The following MPRIP variants were observed in gnomAD, a reference collection of about 807,000 sequenced individuals.
MPRIP encodes myosin phosphatase Rho interacting protein.
MPRIP carries 59 observed loss-of-function variants against 234.9 expected under a neutral mutation model. The ratio of observed to expected loss-of-function variants is 0.25; its 90% CI spans 0.20 to 0.31. The LOEUF is 0.31. Among genes scored for constraint, MPRIP ranks in the 10% least tolerant of loss-of-function variants. MPRIP has a pLI of 1.00. For synonymous variants in MPRIP, 1,144 were observed against 1,263.9 expected (o/e 0.91, Z 2.01); for missense variants, 2,436 against 3,071.0 (o/e 0.79, Z 4.89).
intron 3 of MPRIP, among the ~76,000 whole-genome samples, chr17:17,115,294 G>A (rs535359853): frequency 6.6e-6 from 1 of 152,356 alleles, no homozygotes; most frequent in Admixed American, 6.5e-5. Context: ...CGGGATTTTG[G>A]CCCTGACTGC....
chr17:17,180,046 C>A lies in MPRIP; in HGVS notation c.7164C>A (p.Asp2388Glu). The A allele has an allele frequency of 1.3e-6, 2 of 1,593,896 alleles. No individual in the cohort carries two copies. Among genetic ancestry groups the A allele is most frequent in the Middle Eastern group, 1.7e-4 (1 of 6,010 alleles). Residue 2388 changes from aspartate to glutamate, a missense_variant, in exon 23 of 24, where the codon GAC (aspartate) becomes GAA (glutamate). This residue lies in a region of MPRIP where 1,998 missense variants were observed against 2,520.3 expected (regional missense o/e 0.79). Coordinates refer to ENST00000651222, the MANE Select transcript of MPRIP (RefSeq NM_001364716.4). Reference sequence around the variant, plus strand: ...GCAACCCTGACTTCTTGAAGAAAGACAGATCCTGTGTCACCCGGCAACTCA... The same window carrying A: ...GCAACCCTGACTTCTTGAAGAAAGAAAGATCCTGTGTCACCCGGCAACTCA... ...SKSNPDFLKKDRSCVTRQLRN... is the reference protein window; with the variant it reads ...SKSNPDFLKKERSCVTRQLRN...
chr17:17,054,999 G>A (rs2143873727), intron 1 of MPRIP, among the ~76,000 whole-genome samples: 1 of 151,586 alleles, frequency 6.6e-6, no homozygotes, highest in East Asian at 1.9e-4. Context: ...GCAGTGTGCT[G>A]AGATCACGCC....
rs1014031190 is a variant in MPRIP at position 17,165,759 on chromosome 17, C to A, written c.4168C>A (p.Leu1390Ile). 7 of 1,304,684 alleles carry A rather than the reference C, an allele frequency of 5.4e-6. No homozygotes were observed. The highest frequency in any genetic ancestry group is 7.1e-6 in the Non-Finnish European group (7 of 988,984). 80.8% of individuals were successfully genotyped at this position (1,304,684 alleles called of 1,614,324 possible). A position where few individuals can be genotyped will look rare whatever the true frequency, so the allele number is the denominator to read the frequency against. Reference protein sequence around the residue: ...LSIIHSLETKLYVTEEKLKDV... With the variant: ...LSIIHSLETKIYVTEEKLKDV... ...CATCATCCACTCCCTGGAGACCAAG[C>A]TCTACGTCACAGAGGAAAAGCTCAA... Residue 1390 changes from leucine to isoleucine, a missense_variant, in exon 16 of 24, where the codon CTC (leucine) becomes ATC (isoleucine). Transcript: ENST00000651222.
At position 17,164,862 on chromosome 17, in the gene MPRIP, G is replaced by A. The variant is rs535647939; in HGVS notation, c.3271G>A (p.Ala1091Thr). 4.6e-6 allele frequency: 6 copies of A among 1,304,038 alleles called. No individual in the cohort carries two copies. The African/African-American group carries it at 7.6e-5, about 16-fold the overall frequency. 80.8% of individuals were successfully genotyped at this position (1,304,038 alleles called of 1,614,324 possible). A position where few individuals can be genotyped will look rare whatever the true frequency, so the allele number is the denominator to read the frequency against. Residue 1091 changes from alanine to threonine, a missense_variant, in exon 16 of 24, where the codon GCC becomes ACC. By Grantham distance (58) the Ala-to-Thr change is moderately conservative. Coordinates refer to ENST00000651222, the MANE Select transcript of MPRIP (RefSeq NM_001364716.4). ...GGAGGAGCAGCTGGAGGCACGAGAGGCCAGCGTGCGCAGGCTCGCAGAGCA... is the reference window on the plus strand; with the variant it reads ...GGAGGAGCAGCTGGAGGCACGAGAGACCAGCGTGCGCAGGCTCGCAGAGCA... ...QLEEQLEARE[A>T]SVRRLAEHVQ...
In MPRIP at chr17:17,167,198, C is replaced by G. The variant is rs906285353; in HGVS notation, c.5607C>G (p.Ser1869=). The G allele has an allele frequency of 7.7e-7, 1 of 1,304,106 alleles. No individual in the cohort carries two copies. The highest frequency in any genetic ancestry group is 1.0e-6 in the Non-Finnish European group (1 of 988,938). 80.8% of individuals were successfully genotyped at this position (1,304,106 alleles called of 1,614,324 possible). The change falls in exon 16 of 24, where the codon TCC becomes TCG. Residue 1869 remains serine, a synonymous_variant. Transcript: ENST00000651222. The surrounding 1 kb of genome is among the most constrained non-coding windows in gnomAD (Gnocchi z 5.9). ...YEKELQLCKE[S]WQTREPSCSE... The stretch of plus-strand genomic sequence containing the variant: ...AGGAGCTCCAGCTCTGCAAGGAGTC[C>G]TGGCAAACCCGGGAGCCCTCCTGCT...
intron 22 of MPRIP, 139 bp from the exon 23 acceptor site, chr17:17,179,864 T>C: frequency 1.5e-6 from 1 of 674,424 alleles, no homozygotes. Context: ...TGGCTTTGAA[T>C]TCCCTTAGAG....
intron 3 of MPRIP, among the ~76,000 whole-genome samples, chr17:17,081,337 A>T (rs947601116): frequency 1.3e-5 from 2 of 152,284 alleles, no homozygotes. Context: ...TGTTCTGTAA[A>T]TATGTGTGGA....
At chr17:17,160,054 G>C (rs2045827989) in intron 14 of MPRIP, among the ~76,000 whole-genome samples, 1 of 152,202 alleles carries the variant, frequency 6.6e-6, no homozygotes, top group Admixed American at 6.5e-5. Context: ...ACAATCTGGG[G>C]GGTCAGTCTT....
At chr17:17,164,023 TCTGTGGTTGTTC>T in intron 15 of MPRIP, 74 bp from the exon 16 acceptor site, 1 of 930,032 alleles carries the variant, frequency 1.1e-6, no homozygotes, top group Non-Finnish European at 1.5e-6. Context: ...CAAGGAGCTT[TCTGTGGTTGTTC>T]CTGGCCAGAG....
intron 3 of MPRIP, among the ~76,000 whole-genome samples, chr17:17,110,604 C>G (rs1049495656): frequency 6.6e-6 from 1 of 152,132 alleles, no homozygotes; most frequent in Admixed American, 6.5e-5. Flanking sequence ...CTGACAGGCA[C>G]GACCCCAGCC....
chr17:17,115,690 C>T (rs1401265768), intron 3 of MPRIP, among the ~76,000 whole-genome samples: 2 of 152,246 alleles, frequency 1.3e-5, no homozygotes, highest in Non-Finnish European at 2.9e-5. Flanking sequence ...CACTCCTCCC[C>T]TCCTGCTTCC....
intron 23 of MPRIP, among the ~76,000 whole-genome samples, chr17:17,184,126 G>A (rs11657189): frequency 0.15 from 23,295 of 152,212 alleles, 2,603 homozygotes; most frequent in East Asian, 0.3. Context: ...AATGAGATGG[G>A]AAATACTCTG....
chr17:17,154,399 G>A lies in MPRIP; in HGVS notation c.1813G>A (p.Ala605Thr). The A allele has an allele frequency of 6.2e-7, 1 of 1,614,118 alleles. No individual in the cohort carries two copies. The part of the protein sequence containing the change: ...TIMKHVHPTT[A>T]PDVTSSLPEE... ...CATGAAGCACGTGCACCCGACCACT[G>A]CCCCGGATGTGACCAGGTAGGATGG... Residue 605 changes from alanine (A) to threonine (T), a missense_variant, in exon 13 of 24, where the codon GCC becomes ACC. This residue lies in a region of MPRIP where 1,998 missense variants were observed against 2,520.3 expected (regional missense o/e 0.79). Coordinates refer to ENST00000651222, the MANE Select transcript of MPRIP (RefSeq NM_001364716.4).
intron 3 of MPRIP, among the ~76,000 whole-genome samples, chr17:17,107,073 A>G (rs1294936308): frequency 6.6e-6 from 1 of 152,232 alleles, no homozygotes; most frequent in Non-Finnish European, 1.5e-5. Flanking sequence ...GGAAAGTTTT[A>G]TCTACAACAC....
chr17:17,117,747 A>T (rs993419741), intron 3 of MPRIP, among the ~76,000 whole-genome samples: 1 of 152,198 alleles, frequency 6.6e-6, no homozygotes, highest in South Asian at 2.1e-4. Flanking sequence ...GTTGGGTCAT[A>T]TGGAAACTGT....
At chr17:17,133,816 C>T (rs1164990884) in intron 5 of MPRIP, among the ~76,000 whole-genome samples, 1 of 152,184 alleles carries the variant, frequency 6.6e-6, no homozygotes, top group East Asian at 1.9e-4. Flanking sequence ...CAAGAGTTTC[C>T]AAAGCCTGTG....
At chr17:17,168,743 C>T (rs1199859823) in intron 16 of MPRIP, 4 of 411,154 alleles carry the variant, frequency 9.7e-6, no homozygotes, top group Admixed American at 5.4e-5. Flanking sequence ...GTTCCTTCCA[C>T]TCAGGAAGCT....
rs117451814 is a variant in MPRIP at position 17,164,880 on chromosome 17, G to C, written c.3289G>C (p.Ala1097Pro). The C allele has an allele frequency of 7.7e-7, 1 of 1,303,762 alleles. No homozygotes were observed. The highest frequency in any genetic ancestry group is 1.2e-5 in the South Asian group (1 of 81,022). The allele number at this position is 1,303,762 out of a possible 1,614,324, so 80.8% of individuals were successfully genotyped here. A position where few individuals can be genotyped will look rare whatever the true frequency, so the allele number is the denominator to read the frequency against. Residue 1097 changes from alanine (A) to proline (P), a missense_variant, in exon 16 of 24, where the codon GCA (alanine) becomes CCA (proline). Ala to Pro is a conservative substitution (Grantham distance 27). Transcript: ENST00000651222. ...EAREASVRRL[A>P]EHVQSLCDER... ...ACGAGAGGCCAGCGTGCGCAGGCTC[G>C]CAGAGCACGTGCAGAGCCTCTGTGA... is the stretch of plus-strand genomic sequence containing the variant.
intron 4 of MPRIP, among the ~76,000 whole-genome samples, chr17:17,130,597 G>A (rs1470401812): frequency 6.6e-6 from 1 of 152,070 alleles, no homozygotes; most frequent in East Asian, 1.9e-4. Flanking sequence ...CCCCAACCCT[G>A]GGCCCAGGCT....
Sources: allele counts gnomAD v4.1 joint callset (sites outside exome capture counted in the v4.1 genomes callset), GRCh38; gene constraint gnomAD v4.1.1; regional missense constraint gnomAD v4.1.1; non-coding constraint Gnocchi (gnomAD v3.1); transcripts MANE v1.5; gene names NCBI Gene and HGNC (gene_info 2026-07-23, HGNC 2026-07-21).